The following FRAS1 variants were observed in gnomAD, a reference collection of about 807,000 sequenced individuals.
FRAS1 encodes extracellular matrix organizing protein FRAS1.
A neutral mutation model predicts 435.2 loss-of-function variants in FRAS1; 290 were observed. The observed-to-expected ratio is 0.67, with a 90% CI of 0.61 to 0.73. The LOEUF is 0.73. Among genes scored for constraint, FRAS1 ranks in the 30% least tolerant of loss-of-function variants. The pLI, the probability that FRAS1 is intolerant of heterozygous loss-of-function variation, is 0.00. For missense variants in FRAS1, 4,860 were observed against 5,001.5 expected (o/e 0.97, Z 0.85); for synonymous variants, 1,800 against 1,851.0 (o/e 0.97, Z 0.71).
At chr4:78,250,957 A>G (rs925896421) in intron 4 of FRAS1, among the ~76,000 whole-genome samples, 6 of 152,198 alleles carry the variant, frequency 3.9e-5, no homozygotes, top group African/African-American at 1.4e-4. Flanking sequence ...GCTTTTATAT[A>G]TTAGAGTTTA....
intron 2 of FRAS1, among the ~76,000 whole-genome samples, chr4:78,223,101 C>T (rs1277010275): frequency 6.6e-6 from 1 of 152,122 alleles, no homozygotes; most frequent in African/African-American, 2.4e-5. Context: ...AGAATACAAC[C>T]GGTGTGTATT....
intron 22 of FRAS1, among the ~76,000 whole-genome samples, chr4:78,369,422 C>T (rs1240637712): frequency 6.6e-6 from 1 of 152,180 alleles, no homozygotes; most frequent in Non-Finnish European, 1.5e-5. Flanking sequence ...TTCCCAAGCT[C>T]CCCAATAAAG....
chr4:78,522,792 A>G lies in FRAS1; in HGVS notation c.10792A>G (p.Thr3598Ala), dbSNP rs781266397. The stretch of plus-strand genomic sequence containing the variant: ...TTCTCCACATCAACTCTGGAGAGCC[A>G]CAAGCTCTTATAACAGGTAAATACA... ...FDSPHQLWRA[T>A]SSYNRKDYSG... is the part of the protein sequence containing the mutation. Residue 3598 changes from threonine to alanine, a missense_variant, in exon 69 of 74, where the codon ACA becomes GCA. Physicochemically the swap from Thr to Ala is moderately conservative, Grantham distance 58. Coordinates refer to ENST00000512123, the MANE Select transcript of FRAS1 (RefSeq NM_025074.7). 2 of 1,610,776 alleles carry G rather than the reference A, an allele frequency of 1.2e-6. No homozygotes were observed. The highest frequency in any genetic ancestry group is 1.7e-6 in the Non-Finnish European group (2 of 1,178,588).
At chr4:78,153,909 A>G (rs948898749) in intron 2 of FRAS1, among the ~76,000 whole-genome samples, 3 of 152,120 alleles carry the variant, frequency 2.0e-5, no homozygotes, top group African/African-American at 7.2e-5. Context: ...GGATGGATTC[A>G]GTCTTATTTC....
In FRAS1 at chr4:78,438,980, C is replaced by G; in HGVS notation, c.5445C>G (p.Asn1815Lys). 6.2e-7 allele frequency: 1 copy of G among 1,613,162 alleles called. No individual in the cohort carries two copies. The highest frequency in any genetic ancestry group is 1.7e-5 in the Admixed American group (1 of 59,992). The change falls in exon 40 of 74, where the codon AAC (asparagine) becomes AAG (lysine). Residue 1815 changes from asparagine (N) to lysine (K), a missense_variant. Physicochemically the swap from Asn to Lys is moderately conservative, Grantham distance 94. Coordinates refer to ENST00000512123, the MANE Select transcript of FRAS1 (RefSeq NM_025074.7). ...FYFSVSDMDHNHLDNQIFTIM... is the reference protein window; with the variant it reads ...FYFSVSDMDHKHLDNQIFTIM... ...TCTCTGTCTCTGACATGGACCACAA[C>G]CATCTGGATAATCAGATATTTACCA...
chr4:78,455,292 G>A (rs17003249), intron 47 of FRAS1, among the ~76,000 whole-genome samples: 3,424 of 146,400 alleles, frequency 0.023, 144 homozygotes, highest in African/African-American at 0.081. Flanking sequence ...TCCCTTTGGA[G>A]GAAGTACATG....
chr4:78,174,124 T>C lies in FRAS1; in HGVS notation c.109-63386T>C, dbSNP rs114058467. On this transcript the variant is annotated intron_variant, in intron 2 of 73. Coordinates refer to ENST00000512123, the MANE Select transcript of FRAS1 (RefSeq NM_025074.7). The stretch of plus-strand genomic sequence containing the variant: ...TTCTTTTATTTTTAGGACCAGTCTC[T>C]GATGCTTTGACTCTCTGAATGAGCC... 2.5e-3 allele frequency among the ~76,000 whole-genome samples: 387 copies of C among 152,320 alleles called. 2 individuals are homozygous for C. Among genetic ancestry groups the C allele is most frequent in the African/African-American group, 9.0e-3 (372 of 41,564 alleles).
chr4:78,374,076 C>T (rs767427024), intron 24 of FRAS1, 35 bp from the exon 25 acceptor site: 4 of 1,540,022 alleles, frequency 2.6e-6, no homozygotes, highest in Non-Finnish European at 3.5e-6. Context: ...TGGAAAGCCA[C>T]ACAGATTCCT....
chr4:78,129,543 G>A (rs965655240), intron 2 of FRAS1, among the ~76,000 whole-genome samples: 2 of 137,830 alleles, frequency 1.5e-5, no homozygotes, highest in Non-Finnish European at 2.9e-5. Context: ...GCACAGAACA[G>A]GGTAGTGGCC....
intron 28 of FRAS1, among the ~76,000 whole-genome samples, chr4:78,385,320 T>A (rs1316753582): frequency 6.6e-6 from 1 of 152,192 alleles, no homozygotes; most frequent in Non-Finnish European, 1.5e-5. Context: ...AATATCCAGA[T>A]CTCAGTATCA....
intron 37 of FRAS1, 116 bp from the exon 38 acceptor site, chr4:78,432,241 A>G: frequency 9.8e-7 from 1 of 1,016,802 alleles, no homozygotes; most frequent in Non-Finnish European, 1.4e-6. Flanking sequence ...ATTAGCCTGT[A>G]ACTCCCTGAG....
At position 78,541,183 on chromosome 4, in the gene FRAS1, C is replaced by T. The variant is rs1722040454; in HGVS notation, c.*59C>T. On this transcript the variant is annotated 3_prime_UTR_variant, in exon 74 of 74. Transcript: ENST00000512123. ...CATTTTTATAAAATGGGGGGAAATACTGGTATTTTTATAATCTCGCAGATA... is the reference window on the plus strand; with the variant it reads ...CATTTTTATAAAATGGGGGGAAATATTGGTATTTTTATAATCTCGCAGATA... 2.0e-6 allele frequency: 2 copies of T among 1,015,196 alleles called. No individual in the cohort carries two copies. The highest frequency in any genetic ancestry group is 1.6e-5 in the African/African-American group (1 of 60,614). The allele number at this position is 1,015,196 out of a possible 1,614,324, so 62.9% of individuals were successfully genotyped here.
intron 2 of FRAS1, among the ~76,000 whole-genome samples, chr4:78,134,928 A>T (rs903873747): frequency 1.6e-4 from 25 of 152,184 alleles, no homozygotes; most frequent in African/African-American, 6.0e-4. Context: ...CTAAGCTCAG[A>T]AGTCTAACAA....
In FRAS1 at chr4:78,362,772, G is replaced by C. The variant is rs1050328587; in HGVS notation, c.2423-741G>C. 5.0e-4 allele frequency among the ~76,000 whole-genome samples: 76 copies of C among 152,186 alleles called. 1 individual carries two copies. The highest frequency in any genetic ancestry group is 2.1e-4 in the Non-Finnish European group (14 of 68,026). On this transcript the variant is annotated intron_variant, in intron 20 of 73. Transcript: ENST00000512123. ...TTTCTCAGAAGAGAGTGGAGCTGGA[G>C]AGGGGACGAGAAGGACAGGTCGTCT...
chr4:78,305,123 A>T (rs1235137418), intron 14 of FRAS1, among the ~76,000 whole-genome samples: 2 of 152,018 alleles, frequency 1.3e-5, no homozygotes, highest in African/African-American at 2.4e-5. Flanking sequence ...TTATGTACCC[A>T]GTAGTCATTC....
chr4:78,363,026 C>A (rs980336035), intron 20 of FRAS1, among the ~76,000 whole-genome samples: 1 of 152,130 alleles, frequency 6.6e-6, no homozygotes, highest in Non-Finnish European at 1.5e-5. Context: ...GGGTTTCAGG[C>A]TGTTTTTTGT....
intron 9 of FRAS1, among the ~76,000 whole-genome samples, chr4:78,267,816 C>T (rs1472328206): frequency 2.0e-5 from 3 of 152,344 alleles, no homozygotes; most frequent in Middle Eastern, 3.4e-3. Context: ...TGGCCGGGCT[C>T]TTGCTGTAGG....
chr4:78,540,525 C>T lies in FRAS1; in HGVS notation c.11446-6C>T. 1 of 1,487,508 alleles carries T rather than the reference C, an allele frequency of 6.7e-7. No homozygotes were observed. The highest frequency in any genetic ancestry group is 2.3e-5 in the East Asian group (1 of 43,520). The allele number at this position is 1,487,508 out of a possible 1,614,324, so 92.1% of individuals were successfully genotyped here. ...ACAACAACATGTTCGGTTTGTCCCC[C>T]TGCAGGTGGAAGCAGGACACCAGTG... On this transcript the variant is annotated splice_polypyrimidine_tract_variant and splice_region_variant and intron_variant, in intron 73 of 73. Coordinates refer to ENST00000512123, the MANE Select transcript of FRAS1 (RefSeq NM_025074.7).
chr4:78,477,975 AG>A lies in FRAS1; in HGVS notation c.8014del (p.Asp2672MetfsTer5). 1 of 1,612,796 alleles carries A rather than the reference AG, an allele frequency of 6.2e-7. No homozygotes were observed. Among genetic ancestry groups the A allele is most frequent in the Non-Finnish European group, 8.5e-7 (1 of 1,179,476 alleles). On this transcript the variant is annotated frameshift_variant, in exon 55 of 74. Transcript: ENST00000512123. LOFTEE classifies it high-confidence loss of function. ...GCGAAGGTCATTATCAACGATACCG[AG>A]GATGAACCCACATTAGAGTTTGACA... is the stretch of plus-strand genomic sequence containing the variant. ...TQAKVIINDT[E>X]DEPTLEFDKK...
Sources: allele counts gnomAD v4.1 joint callset (sites outside exome capture counted in the v4.1 genomes callset), GRCh38; gene constraint gnomAD v4.1.1; transcripts MANE v1.5; gene names NCBI Gene and HGNC (gene_info 2026-07-23, HGNC 2026-07-21).